ARHGAP29: variants seen among roughly 807,000 people sequenced by gnomAD.
ARHGAP29 encodes Rho GTPase activating protein 29.
ARHGAP29 carries 43 observed loss-of-function variants against 122.6 expected under a neutral mutation model. The observed-to-expected ratio is 0.35, with a 90% confidence interval of 0.27 to 0.45. The LOEUF (loss-of-function observed/expected upper bound fraction) is 0.45, where lower values mean the gene tolerates loss of function less well. ARHGAP29 is among the 20% of genes least tolerant of loss of function. ARHGAP29 has a pLI of 1.00. For missense variants in ARHGAP29, 1,303 were observed against 1,477.2 expected, an observed-to-expected ratio of 0.88 and a Z score of 1.93; for synonymous variants, 506 against 497.1, an observed-to-expected ratio of 1.02 and a Z score of -0.24.
intron 1 of ARHGAP29, among the ~76,000 whole-genome samples, chr1:94,263,047 G>A (rs1687956): frequency 1 from 151,870 of 152,310 alleles, 75,720 homozygotes; most frequent in Middle Eastern, 1. Context: ...ATATATACAA[G>A]GAATATTATG....
chr1:94,231,599 T>G lies in ARHGAP29; in HGVS notation c.13A>C (p.Lys5Gln), dbSNP rs141866812. 1 of 1,613,186 alleles carries G rather than the reference T, an allele frequency of 6.2e-7. No homozygotes were observed. The highest frequency in any genetic ancestry group is 8.5e-7 in the Non-Finnish European group (1 of 1,179,568). The change falls in exon 2 of 23, where the codon AAA becomes CAA. Residue 5 changes from lysine (K) to glutamine (Q), a missense_variant. Around this residue, in one of 3 missense-constraint regions of ARHGAP29, gnomAD observed 592 missense variants for 648.2 expected, o/e 0.91. Transcript: ENST00000260526. MIAH[K>Q]QKKTKKKRAW... The stretch of plus-strand genomic sequence containing the variant: ...CGTTTTTTCTTTGTCTTTTTCTGTT[T>G]GTGAGCAATCATCCTTTCATGTAAC...
the ARHGAP29 span, among the ~76,000 whole-genome samples, chr1:94,311,140 C>T: frequency 2.0e-5 from 3 of 152,172 alleles, no homozygotes; most frequent in African/African-American, 7.2e-5. Context: ...TTCAGAGAAG[C>T]CTCTCTTGGA....
At position 94,184,142 on chromosome 1, in the gene ARHGAP29, A is replaced by C. The variant is rs1649648561; in HGVS notation, c.2247+9T>G. On this transcript the variant is annotated intron_variant, in intron 19 of 22. Transcript: ENST00000260526. ...TTTAATGGTGGGTTTCAAGGGTAAA[A>C]ATTTTTACCTGCCGAAGGTATAATT... is the stretch of plus-strand genomic sequence containing the variant. 6.2e-7 allele frequency: 1 copy of C among 1,601,878 alleles called. No individual in the cohort carries two copies. Among genetic ancestry groups the C allele is most frequent in the African/African-American group, 1.3e-5 (1 of 74,150 alleles).
chr1:94,300,301 A>G, the ARHGAP29 span, among the ~76,000 whole-genome samples: 2,807 of 152,296 alleles, frequency 0.018, 103 homozygotes, highest in African/African-American at 0.065. Context: ...AGGTTCCTAC[A>G]ATACTTAATT....
In ARHGAP29 at chr1:94,256,536, C is replaced by CTTTTTTTTTTTTTTTTT. The variant is rs530295333; in HGVS notation, c.-33+18459_-33+18475dup. Among the ~76,000 whole-genome samples, 4 of 45,330 alleles carry CTTTTTTTTTTTTTTTTT rather than the reference C, an allele frequency of 8.8e-5. 1 individual carries two copies. The highest frequency in any genetic ancestry group is 3.8e-4 in the Admixed American group (1 of 2,664). The allele number at this position is 45,330 out of a possible 152,430, so 29.7% of individuals were successfully genotyped here. A position where few individuals can be genotyped will look rare whatever the true frequency, so the allele number is the denominator to read the frequency against. On this transcript the variant is annotated intron_variant and NMD_transcript_variant, in intron 1 of 25. Transcript: ENST00000552844. Reference sequence around the variant, plus strand: ...CAGAAATAGATTTAACAGTACTAATCTTTTTTTTTTTTTTTTTTTTTTTTT... The same window carrying CTTTTTTTTTTTTTTTTT: ...CAGAAATAGATTTAACAGTACTAATCTTTTTTTTTTTTTTTTTTTTTTTTTTTTTTTTTTTTTTTTTT...
chr1:94,216,237 C>T (rs1446565111), intron 3 of ARHGAP29, among the ~76,000 whole-genome samples: 1 of 152,184 alleles, frequency 6.6e-6, no homozygotes, highest in Non-Finnish European at 1.5e-5. Flanking sequence ...ATGATCCAAA[C>T]ATCTATTAGT....
chr1:94,287,302 C>G, the ARHGAP29 span, among the ~76,000 whole-genome samples: 1 of 152,048 alleles, frequency 6.6e-6, no homozygotes, highest in African/African-American at 2.4e-5. Context: ...GCGGTTTCCC[C>G]CATTGTGTTC....
chr1:94,304,949 T>G, the ARHGAP29 span, among the ~76,000 whole-genome samples: 19 of 152,224 alleles, frequency 1.2e-4, no homozygotes, highest in Non-Finnish European at 1.5e-4. Flanking sequence ...TAGATGTCTC[T>G]TGCTGATTAC....
chr1:94,237,370 C>T, intron 1 of ARHGAP29, 45 bp downstream of exon 1: 1 of 982,364 alleles, frequency 1.0e-6, no homozygotes, highest in Non-Finnish European at 1.2e-6. Flanking sequence ...CAGCCCGGAG[C>T]CACGACCGCC....
chr1:94,240,007 G>A (rs1653516772), upstream of ARHGAP29, among the ~76,000 whole-genome samples: 1 of 152,126 alleles, frequency 6.6e-6, no homozygotes. Flanking sequence ...ACATCAGTGG[G>A]GGATGAAGAA....
chr1:94,231,684 GAGAA>G (rs1652928735), intron 1 of ARHGAP29, 41 bp from the exon 2 acceptor site: 3 of 1,461,568 alleles, frequency 2.1e-6, no homozygotes, highest in South Asian at 1.3e-5. Flanking sequence ...AGCGAGGAGA[GAGAA>G]AGAAACACAA....
rs1283165134 is a variant in ARHGAP29 at position 94,189,792 on chromosome 1, T to C, written c.1439+134A>G. ...TTTAAATATATCTACTTCGATACCA[T>C]AAAATAATATTTAAAGAACTCAGAA... On this transcript the variant is annotated intron_variant, in intron 13 of 22. Transcript: ENST00000260526. 5.0e-6 allele frequency: 4 copies of C among 799,448 alleles called. No homozygotes were observed. The African/African-American group carries it at 5.2e-5, about 10-fold the overall frequency. 49.5% of individuals were successfully genotyped at this position (799,448 alleles called of 1,614,324 possible).
chr1:94,185,807 C>T (rs1232311261), intron 16 of ARHGAP29, among the ~76,000 whole-genome samples: 1 of 152,040 alleles, frequency 6.6e-6, no homozygotes, highest in Non-Finnish European at 1.5e-5. Context: ...GAAGTGTGTT[C>T]ATAGGTGGCA....
intron 3 of ARHGAP29, 59 bp downstream of exon 3, chr1:94,220,195 CCAAA>C: frequency 6.3e-7 from 1 of 1,591,266 alleles, no homozygotes; most frequent in South Asian, 1.1e-5. Context: ...TCACTATAGA[CCAAA>C]ATATATCACT....
At chr1:94,189,117 G>T (rs1181857140) in intron 14 of ARHGAP29, 99 bp downstream of exon 14, 4 of 1,452,046 alleles carry the variant, frequency 2.8e-6, no homozygotes, top group Non-Finnish European at 3.7e-6. Context: ...ACAAACTAAG[G>T]CCTGATTTTT....
At chr1:94,190,224 G>A (rs1650055561) in intron 12 of ARHGAP29, 141 bp from the exon 13 acceptor site, 1 of 806,212 alleles carries the variant, frequency 1.2e-6, no homozygotes, top group Non-Finnish European at 1.8e-6. Context: ...AACATACTAT[G>A]ATGCCTGATT....
At position 94,173,730 on chromosome 1, in the gene ARHGAP29, A is replaced by C; in HGVS notation, c.*139T>G. The C allele has an allele frequency of 9.8e-6, 10 of 1,018,998 alleles. No homozygotes were observed. Among genetic ancestry groups the C allele is most frequent in the Non-Finnish European group, 1.1e-5 (8 of 700,266 alleles). 63.1% of individuals were successfully genotyped at this position (1,018,998 alleles called of 1,614,324 possible). On this transcript the variant is annotated 3_prime_UTR_variant, in exon 23 of 23. Coordinates refer to ENST00000260526, the MANE Select transcript of ARHGAP29 (RefSeq NM_004815.4). ...CCATTCAGTATTACCAACAGAGGAT[A>C]AATACAACAACAAAAGGCAAAACCC...
chr1:94,293,430 C>A, the ARHGAP29 span, among the ~76,000 whole-genome samples: 1 of 152,084 alleles, frequency 6.6e-6, no homozygotes, highest in Non-Finnish European at 1.5e-5. Flanking sequence ...CGACCCTTTG[C>A]ACTTCCTGGG....
At chr1:94,311,175 C>G in the ARHGAP29 span, among the ~76,000 whole-genome samples, 1 of 152,156 alleles carries the variant, frequency 6.6e-6, no homozygotes, top group African/African-American at 2.4e-5. Flanking sequence ...TTCACTGAAG[C>G]TTGGGTCTGG....
Sources: allele counts gnomAD v4.1 joint callset (sites outside exome capture counted in the v4.1 genomes callset), GRCh38; gene constraint gnomAD v4.1.1; regional missense constraint gnomAD v4.1.1; transcripts MANE v1.5; gene names NCBI Gene and HGNC (gene_info 2026-07-23, HGNC 2026-07-21).